PDE4D: variants seen among roughly 807,000 people sequenced by gnomAD.
PDE4D encodes the protein 3',5'-cyclic-AMP phosphodiesterase 4D.
PDE4D carries 24 observed loss-of-function variants against 87.4 expected under a neutral mutation model. That is an observed-to-expected ratio of 0.27 (90% confidence interval 0.20 to 0.39). The LOEUF (loss-of-function observed/expected upper bound fraction) is 0.39. Among genes scored for constraint, PDE4D ranks in the 10% least tolerant of loss-of-function variants. PDE4D has a pLI of 1.00. For synonymous variants in PDE4D, 384 were observed against 383.2 expected (o/e 1.00, Z -0.02); for missense variants, 714 against 1,041.0 (o/e 0.69, Z 4.32).
intron 5 of PDE4D, among the ~76,000 whole-genome samples, chr5:59,070,862 G>A (rs1187122774): frequency 1.3e-5 from 2 of 152,070 alleles, no homozygotes; most frequent in Non-Finnish European, 2.9e-5. Context: ...AGGCCTCTTT[G>A]ACCTGGATTG....
rs142469689 is a variant in PDE4D at position 59,199,789 on chromosome 5, T to C, written c.648-6253A>G. Reference sequence around the variant, plus strand: ...CCATCTTCATAGAAGTATGGACATATAAAACAAACATATAATGTAACCTAC... The same window carrying C: ...CCATCTTCATAGAAGTATGGACATACAAAACAAACATATAATGTAACCTAC... On this transcript the variant is annotated intron_variant, in intron 2 of 14. Coordinates refer to ENST00000340635, the MANE Select transcript of PDE4D (RefSeq NM_001104631.2). Among the ~76,000 whole-genome samples the C allele has an allele frequency of 3.1e-3, 475 of 152,120 alleles. 7 individuals carry two copies. The highest frequency in any genetic ancestry group is 0.014 in the Middle Eastern group (4 of 294).
At chr5:59,373,226 A>T (rs556822538) in intron 1 of PDE4D, among the ~76,000 whole-genome samples, 42 of 152,360 alleles carry the variant, frequency 2.8e-4, no homozygotes, top group African/African-American at 9.9e-4. Context: ...ATTGGAATGA[A>T]GATCATTGAA....
chr5:59,771,465 G>GA (rs1366029481), intron 1 of PDE4D, among the ~76,000 whole-genome samples: 2 of 73,018 alleles, frequency 2.7e-5, no homozygotes, highest in Non-Finnish European at 5.6e-5. Context: ...AAGAAAGAAA[G>GA]AAAGAAAGAA....
At chr5:60,423,850 G>A (rs1224051278) in intron 1 of PDE4D, among the ~76,000 whole-genome samples, 2 of 152,094 alleles carry the variant, frequency 1.3e-5, no homozygotes, top group African/African-American at 4.8e-5. Flanking sequence ...AAATGATAAA[G>A]GTGATATCAC....
chr5:59,727,674 T>C (rs1056800944), intron 1 of PDE4D, among the ~76,000 whole-genome samples: 1 of 152,112 alleles, frequency 6.6e-6, no homozygotes, highest in South Asian at 2.1e-4. Flanking sequence ...CTGACTCTAA[T>C]GTCTACTGGT....
intron 1 of PDE4D, among the ~76,000 whole-genome samples, chr5:60,384,556 A>T (rs1762075773): frequency 6.6e-6 from 1 of 151,926 alleles, no homozygotes; most frequent in Non-Finnish European, 1.5e-5. Flanking sequence ...TCCTGACATG[A>T]TTTCCTTTCT....
chr5:59,867,860 T>C (rs1360177008), intron 1 of PDE4D, among the ~76,000 whole-genome samples: 2 of 152,110 alleles, frequency 1.3e-5, no homozygotes, highest in African/African-American at 2.4e-5. Context: ...AGCATTTGAG[T>C]AAACACATAA....
At chr5:60,046,431 C>A (rs995981487) in intron 2 of PDE4D, among the ~76,000 whole-genome samples, 5 of 152,204 alleles carry the variant, frequency 3.3e-5, no homozygotes, top group African/African-American at 1.2e-4. Context: ...GAGAAGGCAT[C>A]CCTGTCTTGT....
chr5:59,271,913 A>G (rs1187524873), intron 1 of PDE4D, among the ~76,000 whole-genome samples: 2 of 146,376 alleles, frequency 1.4e-5, no homozygotes, highest in Non-Finnish European at 3.0e-5. Flanking sequence ...CACTCCTACC[A>G]TTTTTTTTTT....
chr5:58,975,816 A>G lies in PDE4D; in HGVS notation c.1854T>C (p.Cys618=). The change falls in exon 14 of 15, where the codon TGT becomes TGC. Residue 618 remains cysteine, a synonymous_variant. Coordinates refer to ENST00000340635, the MANE Select transcript of PDE4D (RefSeq NM_001104631.2). The surrounding 1 kb of genome is among the most constrained non-coding windows in gnomAD (Gnocchi z 4.2). Reference sequence around the variant, plus strand: ...GCTTTGTTGGGTTGCTCAGATCTGCACAGTGCACCATATTCTGAAGAACCT... The same window carrying G: ...GCTTTGTTGGGTTGCTCAGATCTGCGCAGTGCACCATATTCTGAAGAACCT... ...RIQVLQNMVH[C]ADLSNPTKPL... 1 of 1,594,068 alleles carries G rather than the reference A, an allele frequency of 6.3e-7. No individual in the cohort carries two copies. The highest frequency in any genetic ancestry group is 8.5e-7 in the Non-Finnish European group (1 of 1,169,844).
At chr5:59,771,499 GAAGAA>G (rs1372897944) in intron 1 of PDE4D, among the ~76,000 whole-genome samples, 1 of 19,730 alleles carries the variant, frequency 5.1e-5, no homozygotes, top group African/African-American at 1.4e-4. Flanking sequence ...GAGAGAGAGA[GAAGAA>G]AGAAAGAAAG....
At chr5:60,454,911 G>C (rs565722608) in intron 1 of PDE4D, among the ~76,000 whole-genome samples, 9 of 152,124 alleles carry the variant, frequency 5.9e-5, no homozygotes, top group Middle Eastern at 3.4e-3. Context: ...AAGAGAGAAG[G>C]GGTGGGGGAA....
chr5:59,178,634 C>T (rs1204306269), intron 5 of PDE4D, among the ~76,000 whole-genome samples: 1 of 152,102 alleles, frequency 6.6e-6, no homozygotes, highest in African/African-American at 2.4e-5. Context: ...CTGCCCTGAC[C>T]ACTGAGCACC....
chr5:59,232,953 T>C (rs1561772585), intron 1 of PDE4D, among the ~76,000 whole-genome samples: 1 of 151,974 alleles, frequency 6.6e-6, no homozygotes, highest in Non-Finnish European at 1.5e-5. Context: ...AACACAAATA[T>C]GGCATGTTCT....
chr5:60,303,395 G>A (rs1004019485), intron 1 of PDE4D, among the ~76,000 whole-genome samples: 3 of 145,386 alleles, frequency 2.1e-5, no homozygotes, highest in African/African-American at 7.8e-5. Flanking sequence ...TGCAAGCTCC[G>A]CCTCCCGGGT....
chr5:59,240,268 G>A (rs1757368210), intron 1 of PDE4D, among the ~76,000 whole-genome samples: 1 of 152,128 alleles, frequency 6.6e-6, no homozygotes, highest in Non-Finnish European at 1.5e-5. Flanking sequence ...GGAGAGAAAG[G>A]ATGTGACTTT....
At chr5:59,750,491 A>G (rs1394633288) in intron 1 of PDE4D, among the ~76,000 whole-genome samples, 1 of 152,146 alleles carries the variant, frequency 6.6e-6, no homozygotes, top group East Asian at 1.9e-4. Flanking sequence ...ATAATCATAT[A>G]GCTCGTTCAG....
chr5:60,240,353 A>G (rs1746951229), intron 1 of PDE4D, among the ~76,000 whole-genome samples: 1 of 152,042 alleles, frequency 6.6e-6, no homozygotes, highest in Admixed American at 6.6e-5. Flanking sequence ...CAGCTCAGCT[A>G]TGGTGGGTTA....
At chr5:60,046,219 A>G (rs1769225974) in intron 2 of PDE4D, among the ~76,000 whole-genome samples, 1 of 152,156 alleles carries the variant, frequency 6.6e-6, no homozygotes, top group African/African-American at 2.4e-5. Context: ...TTGATTTTGT[A>G]TCCTGAGAAT....
Sources: gnomAD v4.1 joint callset for allele counts (sites outside exome capture counted in the v4.1 genomes callset) on GRCh38, gnomAD v4.1.1 for gene constraint, Gnocchi (gnomAD v3.1) non-coding constraint, MANE v1.5 for transcripts, NCBI Gene and HGNC (gene_info 2026-07-23, HGNC 2026-07-21) for gene names.